TPD52: variants seen among roughly 807,000 people sequenced by gnomAD.
TPD52 encodes the protein tumor protein D52, also known as prostate and colon associated protein.
TPD52 carries 17 observed loss-of-function variants against 31.3 expected under a neutral mutation model. The ratio of observed to expected loss-of-function variants is 0.54; its 90% CI spans 0.37 to 0.82. The LOEUF is 0.82. TPD52 is among the 40% of genes least tolerant of loss of function. The pLI is 0.00. For synonymous variants in TPD52, 83 were observed against 89.6 expected (o/e 0.93, Z 0.42); for missense variants, 212 against 240.1 (o/e 0.88, Z 0.77).
intron 1 of TPD52, among the ~76,000 whole-genome samples, chr8:80,111,560 T>C (rs1269027657): frequency 6.6e-6 from 1 of 152,232 alleles, no homozygotes; most frequent in East Asian, 1.9e-4. Flanking sequence ...CCTATATCTC[T>C]ACACTTACAA....
chr8:80,042,135 A>G, intron 7 of TPD52: 1 of 969,298 alleles, frequency 1.0e-6, no homozygotes. Flanking sequence ...CATAATATTG[A>G]AAGAGAATAC....
At chr8:80,151,819 G>T (rs1252098249) in intron 1 of TPD52, among the ~76,000 whole-genome samples, 2 of 152,080 alleles carry the variant, frequency 1.3e-5, no homozygotes, top group Non-Finnish European at 2.9e-5. Context: ...ATGAATAAAT[G>T]CCAATTAGAT....
chr8:80,093,868 T>G (rs1386028790), intron 1 of TPD52, among the ~76,000 whole-genome samples: 1 of 152,184 alleles, frequency 6.6e-6, no homozygotes, highest in Non-Finnish European at 1.5e-5. Context: ...ATAAAGACAA[T>G]AGCAGAAGAC....
chr8:80,100,119 G>A (rs1806629188), intron 1 of TPD52, among the ~76,000 whole-genome samples: 1 of 152,196 alleles, frequency 6.6e-6, no homozygotes, highest in South Asian at 2.1e-4. Flanking sequence ...TGATAAAGAG[G>A]ATTTGATTTA....
Position 80,047,824 on chromosome 8 carries a change from A to T in TPD52, c.413+2621T>A, listed in dbSNP as rs1242072027. On this transcript the variant is annotated intron_variant, in intron 5 of 7. Coordinates refer to ENST00000518937, the MANE Select transcript of TPD52 (RefSeq NM_001025253.3). ...AAATAAATATCTACAGGGGCACATG[A>T]AGAAACACACATTTAAAAAGGAGAA... Among the ~76,000 whole-genome samples, 5 of 152,234 alleles carry T rather than the reference A, an allele frequency of 3.3e-5. No individual in the cohort carries two copies. In the South Asian group the frequency reaches 1.0e-3, roughly 32 times the overall value.
chr8:80,166,174 G>A (rs1014745437), intron 1 of TPD52, among the ~76,000 whole-genome samples: 2 of 152,090 alleles, frequency 1.3e-5, no homozygotes, highest in South Asian at 4.1e-4. Flanking sequence ...AAATTATGGC[G>A]TGGAGGCACA....
chr8:80,114,505 C>A (rs10957959), intron 1 of TPD52, among the ~76,000 whole-genome samples: 66,622 of 151,898 alleles, frequency 0.44, 15,172 homozygotes, highest in East Asian at 0.79. Flanking sequence ...ATATTTGTTG[C>A]ATTAATTAGT....
chr8:80,157,145 C>G (rs1027094221), intron 1 of TPD52, among the ~76,000 whole-genome samples: 5 of 152,064 alleles, frequency 3.3e-5, no homozygotes, highest in African/African-American at 1.2e-4. Flanking sequence ...AATTTAGTAT[C>G]TATAGTCATC....
chr8:80,094,475 T>G lies in TPD52; in HGVS notation c.20-29882A>C, dbSNP rs1816570104. Among the ~76,000 whole-genome samples, 2 of 102,770 alleles carry G rather than the reference T, an allele frequency of 1.9e-5. 1 individual carries two copies. Among genetic ancestry groups the G allele is most frequent in the Admixed American group, 1.9e-4 (2 of 10,398 alleles). 67.4% of individuals were successfully genotyped at this position (102,770 alleles called of 152,430 possible). A position where few individuals can be genotyped will look rare whatever the true frequency, so the allele number is the denominator to read the frequency against. On this transcript the variant is annotated intron_variant, in intron 1 of 7. Coordinates refer to ENST00000518937, the MANE Select transcript of TPD52 (RefSeq NM_001025253.3). ...ATATATATATATATATATATATATATATATATATATGTATGTATATATAAC... is the reference window on the plus strand; with the variant it reads ...ATATATATATATATATATATATATAGATATATATATGTATGTATATATAAC...
intron 1 of TPD52, among the ~76,000 whole-genome samples, chr8:80,068,847 A>G (rs1813444743): frequency 6.6e-6 from 1 of 152,208 alleles, no homozygotes; most frequent in Admixed American, 6.5e-5. Flanking sequence ...CATCTTTGAG[A>G]TGCACTGTAC....
intron 7 of TPD52, 90 bp downstream of exon 7, chr8:80,042,530 G>C (rs1701025253): frequency 1.3e-6 from 2 of 1,537,102 alleles, no homozygotes; most frequent in African/African-American, 1.4e-5. Context: ...TTTTTAGAAA[G>C]AAATATTAAT....
rs146743301 is a variant in TPD52 at position 80,081,361 on chromosome 8, A to C, written c.20-16768T>G. Among the ~76,000 whole-genome samples, 39 of 129,734 alleles carry C rather than the reference A, an allele frequency of 3.0e-4. 1 individual carries two copies. The highest frequency in any genetic ancestry group is 1.1e-3 in the African/African-American group (37 of 32,992). 85.1% of individuals were successfully genotyped at this position (129,734 alleles called of 152,430 possible). On this transcript the variant is annotated intron_variant, in intron 1 of 7. Transcript: ENST00000518937. ...ACAGCTAGCTTGTAAAACAAAACTA[A>C]GTCACCAAATTTATTTCCTTTAACA...
In TPD52 at chr8:80,141,174, G is replaced by A. The variant is rs118146657; in HGVS notation, c.19+30251C>T. 3.3e-3 allele frequency among the ~76,000 whole-genome samples: 495 copies of A among 152,080 alleles called. 3 individuals carry two copies. The highest frequency in any genetic ancestry group is 5.2e-3 in the Non-Finnish European group (352 of 68,004). On this transcript the variant is annotated intron_variant, in intron 1 of 7. Coordinates refer to ENST00000518937, the MANE Select transcript of TPD52 (RefSeq NM_001025253.3). ...CACATTCATACTCCATGCAACTCAC[G>A]ACACATCAGCCTCACCTCCCAGACA...
intron 5 of TPD52, among the ~76,000 whole-genome samples, chr8:80,044,833 G>A (rs2130434711): frequency 6.6e-6 from 1 of 152,284 alleles, no homozygotes; most frequent in South Asian, 2.1e-4. Flanking sequence ...CCACTGGCAC[G>A]ACTTTGGTAA....
intron 7 of TPD52, chr8:80,042,138 G>A (rs769267740): frequency 2.5e-4 from 239 of 967,130 alleles, no homozygotes; most frequent in Non-Finnish European, 2.8e-4. Flanking sequence ...AATATTGAAA[G>A]AGAATACTTA....
intron 1 of TPD52, among the ~76,000 whole-genome samples, chr8:80,066,471 T>G (rs1053463607): frequency 6.6e-6 from 1 of 152,194 alleles, no homozygotes; most frequent in Non-Finnish European, 1.5e-5. Flanking sequence ...AATCAGCAAG[T>G]AGAAAAGCTC....
chr8:80,157,620 G>A (rs7008715), intron 1 of TPD52, among the ~76,000 whole-genome samples: 98,620 of 152,064 alleles, frequency 0.65, 33,650 homozygotes, highest in African/African-American at 0.87. Flanking sequence ...CATAGCCAAG[G>A]CACTCCACGA....
chr8:80,072,798 C>CACACATATATATATATATAT (rs977939775), intron 1 of TPD52, among the ~76,000 whole-genome samples: 2 of 141,046 alleles, frequency 1.4e-5, no homozygotes, highest in South Asian at 4.3e-4. Flanking sequence ...CACACACACA[C>CACACATATATATATATATAT]ATATATATAT....
At chr8:80,171,308 A>G (rs1356474421) in intron 1 of TPD52, 117 bp downstream of exon 1, 2 of 1,338,796 alleles carry the variant, frequency 1.5e-6, no homozygotes, top group Non-Finnish European at 1.0e-6. Flanking sequence ...GCGCCGGCCC[A>G]GGAGGCTCGG....
Sources: allele counts gnomAD v4.1 joint callset (sites outside exome capture counted in the v4.1 genomes callset), GRCh38; gene constraint gnomAD v4.1.1; transcripts MANE v1.5; gene names NCBI Gene and HGNC (gene_info 2026-07-23, HGNC 2026-07-21).